Variants in RFX3 observed in about 807,000 individuals in gnomAD.
The protein encoded by RFX3 is transcription factor RFX3.
A neutral mutation model predicts 98.6 loss-of-function variants in RFX3; 14 were observed. That is an observed-to-expected ratio of 0.14 (90% CI 0.09 to 0.22). The LOEUF (loss-of-function observed/expected upper bound fraction) is 0.22, where lower values mean the gene tolerates loss of function less well. Among genes scored for constraint, RFX3 ranks in the 10% least tolerant of loss-of-function variants. RFX3 has a pLI of 1.00. For missense variants in RFX3, 639 were observed against 926.9 expected, an observed-to-expected ratio of 0.69 and a Z score of 4.03; for synonymous variants, 383 against 328.4, an observed-to-expected ratio of 1.17 and a Z score of -1.80.
chr9:3,440,138 T>C (rs1228264492), intron 1 of RFX3, among the ~76,000 whole-genome samples: 4 of 152,208 alleles, frequency 2.6e-5, no homozygotes, highest in Non-Finnish European at 4.4e-5. Context: ...TAACAACTTG[T>C]AGTTAACATC....
chr9:3,263,916 G>A (rs1380948105), intron 12 of RFX3, among the ~76,000 whole-genome samples: 2 of 152,160 alleles, frequency 1.3e-5, no homozygotes, highest in African/African-American at 4.8e-5. Context: ...GCCTGTTAGA[G>A]CGGAACCTGC....
chr9:3,265,286 A>G (rs1823476826), intron 12 of RFX3, among the ~76,000 whole-genome samples: 1 of 152,202 alleles, frequency 6.6e-6, no homozygotes, highest in Non-Finnish European at 1.5e-5. Context: ...ACATTTCTAG[A>G]GGAACAATCT....
At chr9:3,366,834 T>C (rs981275292) in intron 2 of RFX3, among the ~76,000 whole-genome samples, 2 of 151,844 alleles carry the variant, frequency 1.3e-5, no homozygotes, top group Non-Finnish European at 2.9e-5. Context: ...ATTTGGGAGA[T>C]AAATGAATTA....
intron 12 of RFX3, among the ~76,000 whole-genome samples, chr9:3,264,389 T>C (rs1036739799): frequency 3.9e-5 from 6 of 152,260 alleles, no homozygotes; most frequent in African/African-American, 1.4e-4. Flanking sequence ...AATGATCAAT[T>C]GGGAGCGGTA....
chr9:3,222,861 A>G lies in RFX3; in HGVS notation c.*2181T>C, dbSNP rs1209976309. ...ACTATGCTAGTGAAGACTTTCAAAT[A>G]TATGAGTGAGTTGTATAATAAAAAA... On this transcript the variant is annotated 3_prime_UTR_variant, in exon 17 of 17. Coordinates refer to ENST00000617270, the MANE Select transcript of RFX3 (RefSeq NM_001282116.2). The G allele has an allele frequency of 8.5e-5, 13 of 152,200 alleles. No individual in the cohort carries two copies. Among genetic ancestry groups the G allele is most frequent in the Admixed American group, 3.9e-4 (6 of 15,268 alleles). 9.4% of individuals were successfully genotyped at this position (152,200 alleles called of 1,614,324 possible).
At position 3,279,105 on chromosome 9, in the gene RFX3, C is replaced by T. The variant is rs556248331; in HGVS notation, c.852-1644G>A. On this transcript the variant is annotated intron_variant, in intron 7 of 16. Transcript: ENST00000617270. ...TTTTTTTTCCTCCTTAAAGAATCAT[C>T]TTTGAGAAGCAAAGAAACTTCATGA... Among the ~76,000 whole-genome samples, 3 of 151,708 alleles carry T rather than the reference C, an allele frequency of 2.0e-5. No homozygotes were observed. In the South Asian group the frequency reaches 6.2e-4, roughly 32 times the overall value.
At chr9:3,321,464 G>C (rs1161236478) in intron 4 of RFX3, among the ~76,000 whole-genome samples, 2 of 152,122 alleles carry the variant, frequency 1.3e-5, no homozygotes, top group South Asian at 2.1e-4. Flanking sequence ...CGCATTGCTT[G>C]TATGGGATGA....
intron 5 of RFX3, 28 bp from the exon 6 acceptor site, chr9:3,293,286 G>A (rs148720741): frequency 1.3e-6 from 2 of 1,532,264 alleles, no homozygotes; most frequent in Admixed American, 4.4e-5. Flanking sequence ...AATAAACACA[G>A]ACAAATCACA....
intron 1 of RFX3, among the ~76,000 whole-genome samples, chr9:3,521,909 G>C (rs915100420): frequency 6.6e-6 from 1 of 151,958 alleles, no homozygotes; most frequent in African/African-American, 2.4e-5. Flanking sequence ...GATTCAAAGG[G>C]AATTTACCAT....
At chr9:3,371,422 T>C (rs1395919585) in intron 2 of RFX3, among the ~76,000 whole-genome samples, 2 of 152,210 alleles carry the variant, frequency 1.3e-5, no homozygotes, top group Admixed American at 6.5e-5. Context: ...CTCTAAAATA[T>C]ATTACAATAA....
At chr9:3,487,423 G>C (rs920580486) in intron 1 of RFX3, among the ~76,000 whole-genome samples, 1 of 152,076 alleles carries the variant, frequency 6.6e-6, no homozygotes, top group African/African-American at 2.4e-5. Flanking sequence ...ATTGGCCCTG[G>C]TAAAAGGTTA....
chr9:3,393,107 G>C (rs1840485653), intron 2 of RFX3, among the ~76,000 whole-genome samples: 1 of 152,012 alleles, frequency 6.6e-6, no homozygotes, highest in Admixed American at 6.6e-5. Context: ...ACCAAAAGAA[G>C]GGCATGCTAA....
At chr9:3,323,771 A>G (rs1462471165) in intron 4 of RFX3, among the ~76,000 whole-genome samples, 1 of 152,208 alleles carries the variant, frequency 6.6e-6, no homozygotes, top group Non-Finnish European at 1.5e-5. Flanking sequence ...GGCTATGCTC[A>G]GGAGAGAATG....
At chr9:3,327,531 T>G (rs996544795) in intron 4 of RFX3, among the ~76,000 whole-genome samples, 3 of 152,156 alleles carry the variant, frequency 2.0e-5, no homozygotes, top group African/African-American at 7.2e-5. Context: ...GAGATCACTT[T>G]GTGATTTTTC....
intron 1 of RFX3, among the ~76,000 whole-genome samples, chr9:3,487,046 GC>G (rs1181163827): frequency 6.6e-6 from 1 of 151,866 alleles, no homozygotes; most frequent in Admixed American, 6.6e-5. Flanking sequence ...AATAGAGACA[GC>G]CTCTCCCTGT....
intron 8 of RFX3, among the ~76,000 whole-genome samples, chr9:3,276,969 C>G (rs1290221307): frequency 6.6e-6 from 1 of 151,728 alleles, no homozygotes; most frequent in African/African-American, 2.4e-5. Flanking sequence ...CTAATCTGAG[C>G]CTGTGCATAT....
intron 13 of RFX3, among the ~76,000 whole-genome samples, chr9:3,261,399 G>A (rs1770473494): frequency 6.6e-6 from 1 of 152,112 alleles, no homozygotes; most frequent in Non-Finnish European, 1.5e-5. Context: ...CATGTCACGT[G>A]TGATCCTTTG....
chr9:3,240,305 G>A (rs1563784481), intron 15 of RFX3, among the ~76,000 whole-genome samples: 1 of 152,130 alleles, frequency 6.6e-6, no homozygotes, highest in Non-Finnish European at 1.5e-5. Context: ...GCAGGGTTGG[G>A]CCAGGCAGCA....
intron 14 of RFX3, among the ~76,000 whole-genome samples, chr9:3,254,149 A>G (rs543565501): frequency 6.6e-6 from 1 of 152,276 alleles, no homozygotes; most frequent in East Asian, 1.9e-4. Context: ...CTGGGTTTGT[A>G]TATCTGCAGA....
Sources: gnomAD v4.1 joint callset for allele counts (sites outside exome capture counted in the v4.1 genomes callset) on GRCh38, gnomAD v4.1.1 for gene constraint, MANE v1.5 for transcripts, NCBI Gene and HGNC (gene_info 2026-07-23, HGNC 2026-07-21) for gene names.